Variants in SYN3 observed in about 807,000 individuals in gnomAD.
The protein encoded by SYN3 is synapsin III.
Under a neutral mutation model 65.8 loss-of-function variants are expected in SYN3, and 35 were observed. The ratio of observed to expected loss-of-function variants is 0.53; its 90% CI spans 0.41 to 0.70. SYN3 has a LOEUF of 0.70. SYN3 is among the 30% of genes least tolerant of loss of function. The probability of loss-of-function intolerance (pLI) is 0.00; values close to 1 mark genes in which losing one functional copy is unlikely to be tolerated. For missense variants in SYN3, 680 were observed against 749.0 expected, an observed-to-expected ratio of 0.91 and a Z score of 1.08; for synonymous variants, 270 against 292.9, an observed-to-expected ratio of 0.92 and a Z score of 0.80.
chr22:32,815,129 A>G (rs1001848210), intron 6 of SYN3, among the ~76,000 whole-genome samples: 2 of 152,236 alleles, frequency 1.3e-5, no homozygotes, highest in African/African-American at 4.8e-5. Flanking sequence ...TCAAGATAAC[A>G]TTTGCAAAGG....
At chr22:32,620,333 T>A (rs1447288016) in intron 6 of SYN3, among the ~76,000 whole-genome samples, 1 of 152,346 alleles carries the variant, frequency 6.6e-6, no homozygotes, top group African/African-American at 2.4e-5. Flanking sequence ...TTTTAATACA[T>A]ATATGAATCA....
intron 4 of SYN3, among the ~76,000 whole-genome samples, chr22:32,899,500 G>C (rs1199999041): frequency 3.3e-5 from 5 of 152,196 alleles, no homozygotes; most frequent in Non-Finnish European, 7.3e-5. Flanking sequence ...GAAGGAGCGT[G>C]TGTGCAGGGA....
chr22:32,635,770 T>C (rs1347437082), intron 6 of SYN3, among the ~76,000 whole-genome samples: 1 of 152,124 alleles, frequency 6.6e-6, no homozygotes, highest in Non-Finnish European at 1.5e-5. Context: ...CTAAGTAGAC[T>C]CCCAAATAAG....
intron 1 of SYN3, among the ~76,000 whole-genome samples, chr22:33,045,097 C>A (rs904156021): frequency 6.6e-6 from 1 of 152,192 alleles, no homozygotes; most frequent in Non-Finnish European, 1.5e-5. Flanking sequence ...CCCGCCTTGG[C>A]CTCCCAAAGT....
chr22:32,580,902 G>A (rs898830594), intron 7 of SYN3, among the ~76,000 whole-genome samples: 5 of 152,178 alleles, frequency 3.3e-5, no homozygotes, highest in African/African-American at 1.2e-4. Context: ...GAGCTTGTTA[G>A]AAATTCAGAA....
intron 6 of SYN3, among the ~76,000 whole-genome samples, chr22:32,720,981 C>A (rs1031712047): frequency 6.6e-6 from 1 of 152,224 alleles, no homozygotes; most frequent in African/African-American, 2.4e-5. Context: ...TCCCTTAGTA[C>A]ACACGTTCAC....
intron 6 of SYN3, among the ~76,000 whole-genome samples, chr22:32,799,898 T>C (rs974014403): frequency 2.0e-5 from 3 of 152,072 alleles, no homozygotes; most frequent in African/African-American, 7.2e-5. Flanking sequence ...AATAGAATCA[T>C]ACCCCATAAA....
Position 33,006,820 on chromosome 22 carries a change from A to C in SYN3, c.-158T>G. 3.2e-6 allele frequency: 2 copies of C among 615,774 alleles called. No homozygotes were observed. The highest frequency in any genetic ancestry group is 5.4e-6 in the Non-Finnish European group (2 of 368,748). 38.1% of individuals were successfully genotyped at this position (615,774 alleles called of 1,614,324 possible). A position where few individuals can be genotyped will look rare whatever the true frequency, so the allele number is the denominator to read the frequency against. ...CAGTCAGCTTTAGCTGCCTTTATTTACCTGCTGGAAATAAGCCAACAAATA... is the reference window on the plus strand; with the variant it reads ...CAGTCAGCTTTAGCTGCCTTTATTTCCCTGCTGGAAATAAGCCAACAAATA... On this transcript the variant is annotated 5_prime_UTR_variant, in exon 2 of 14. Coordinates refer to ENST00000358763, the MANE Select transcript of SYN3 (RefSeq NM_003490.4).
intron 1 of SYN3, among the ~76,000 whole-genome samples, chr22:33,013,762 T>C (rs1249672752): frequency 6.6e-6 from 1 of 152,062 alleles, no homozygotes; most frequent in Non-Finnish European, 1.5e-5. Flanking sequence ...CACATTCTAC[T>C]CTCAAATTCT....
At position 32,538,271 on chromosome 22, in the gene SYN3, AT is replaced by A. The variant is rs1175631735; in HGVS notation, c.918-162del. 2.6e-5 allele frequency among the ~76,000 whole-genome samples: 4 copies of A among 152,108 alleles called. No individual in the cohort carries two copies. In the South Asian group the frequency reaches 8.3e-4, roughly 32 times the overall value. On this transcript the variant is annotated intron_variant, in intron 8 of 13. Coordinates refer to ENST00000358763, the MANE Select transcript of SYN3 (RefSeq NM_003490.4). ...ACCTTGTCTTCAACTATATTTTCCTATGTTTATTTCCCTTCATGCTGTTTGC... is the reference window on the plus strand; with the variant it reads ...ACCTTGTCTTCAACTATATTTTCCTAGTTTATTTCCCTTCATGCTGTTTGC...
chr22:32,812,149 T>G (rs144522849), intron 6 of SYN3, among the ~76,000 whole-genome samples: 3 of 152,336 alleles, frequency 2.0e-5, no homozygotes, highest in African/African-American at 7.2e-5. Context: ...TGGTGTGTAT[T>G]TCACTGAATG....
chr22:32,818,865 GGGGCTCTGAAGCCAC>G (rs1305175342), intron 6 of SYN3, among the ~76,000 whole-genome samples: 5 of 152,204 alleles, frequency 3.3e-5, no homozygotes. Context: ...TCCCTGTCAT[GGGGCTCTGAAGCCAC>G]GGGCCAGGCA....
At chr22:32,715,964 C>G (rs1382443418) in intron 6 of SYN3, among the ~76,000 whole-genome samples, 1 of 152,126 alleles carries the variant, frequency 6.6e-6, no homozygotes, top group Non-Finnish European at 1.5e-5. Context: ...CCAGAAAGAG[C>G]TAGGGAATCC....
intron 7 of SYN3, among the ~76,000 whole-genome samples, chr22:32,574,753 A>C (rs1183910702): frequency 6.6e-6 from 1 of 152,196 alleles, no homozygotes; most frequent in Non-Finnish European, 1.5e-5. Context: ...CCTTCTCATG[A>C]TCTGAATAGC....
At chr22:32,975,978 C>T (rs1172712305) in intron 3 of SYN3, among the ~76,000 whole-genome samples, 6 of 152,190 alleles carry the variant, frequency 3.9e-5, no homozygotes, top group Admixed American at 3.9e-4. Flanking sequence ...AGCTAAGGTC[C>T]ATTCTAAGAA....
chr22:32,872,820 C>T (rs1269451553), intron 4 of SYN3, among the ~76,000 whole-genome samples: 1 of 152,108 alleles, frequency 6.6e-6, no homozygotes, highest in Non-Finnish European at 1.5e-5. Context: ...GTTACCGAGC[C>T]TCGACAGTGG....
chr22:32,537,588 T>C (rs568996480), intron 9 of SYN3, among the ~76,000 whole-genome samples: 20 of 152,276 alleles, frequency 1.3e-4, no homozygotes, highest in African/African-American at 2.2e-4. Flanking sequence ...CATATTGAGA[T>C]GGAAGGACGC....
chr22:33,057,037 G>C (rs538551402), intron 1 of SYN3, among the ~76,000 whole-genome samples: 1 of 152,200 alleles, frequency 6.6e-6, no homozygotes, highest in South Asian at 2.1e-4. Context: ...AGCATTACAC[G>C]GGCAGCATCT....
intron 1 of SYN3, among the ~76,000 whole-genome samples, chr22:33,044,977 G>C (rs561503619): frequency 1.3e-5 from 2 of 151,942 alleles, no homozygotes; most frequent in South Asian, 4.2e-4. Context: ...CAAGTAGCTG[G>C]AATTACAGGC....
Sources: gnomAD v4.1 joint callset for allele counts (sites outside exome capture counted in the v4.1 genomes callset) on GRCh38, gnomAD v4.1.1 for gene constraint, MANE v1.5 for transcripts, NCBI Gene and HGNC (gene_info 2026-07-23, HGNC 2026-07-21) for gene names.